The following IGSF11 variants were observed in gnomAD, a reference collection of about 807,000 sequenced individuals.
The protein encoded by IGSF11 is immunoglobulin superfamily member 11.
IGSF11 carries 22 observed loss-of-function variants against 41.0 expected under a neutral mutation model. That is an observed-to-expected ratio of 0.54 (90% CI 0.38 to 0.77). IGSF11 has a LOEUF of 0.77. IGSF11 is among the 30% of genes least tolerant of loss of function. The probability of loss-of-function intolerance (pLI) is 0.00; values close to 1 mark genes in which losing one functional copy is unlikely to be tolerated. For missense variants in IGSF11, 444 were observed against 530.8 expected, an observed-to-expected ratio of 0.84 and a Z score of 1.61; for synonymous variants, 219 against 201.3, an observed-to-expected ratio of 1.09 and a Z score of -0.74.
chr3:119,094,933 A>T (rs1199053560), intron 1 of IGSF11, among the ~76,000 whole-genome samples: 1 of 151,978 alleles, frequency 6.6e-6, no homozygotes, highest in East Asian at 1.9e-4. Context: ...CGGCCTCCCA[A>T]AGTGCTGGGA....
intron 1 of IGSF11, among the ~76,000 whole-genome samples, chr3:118,936,153 A>G (rs1487823619): frequency 6.6e-6 from 1 of 152,072 alleles, no homozygotes; most frequent in Non-Finnish European, 1.5e-5. Flanking sequence ...CTCTTAAAGG[A>G]TATTTCCATG....
intron 1 of IGSF11, among the ~76,000 whole-genome samples, chr3:119,042,649 T>C (rs1559829988): frequency 6.6e-6 from 1 of 152,166 alleles, no homozygotes; most frequent in Non-Finnish European, 1.5e-5. Context: ...CAGACCTGCC[T>C]AACAGTGCCC....
intron 5 of IGSF11, among the ~76,000 whole-genome samples, chr3:118,905,184 A>T (rs1433079744): frequency 6.6e-6 from 1 of 152,170 alleles, no homozygotes; most frequent in Non-Finnish European, 1.5e-5. Context: ...CTGGAATTCA[A>T]ATATCCCAGA....
At chr3:119,003,701 T>C (rs1359678785) in intron 1 of IGSF11, among the ~76,000 whole-genome samples, 1 of 151,960 alleles carries the variant, frequency 6.6e-6, no homozygotes, top group Non-Finnish European at 1.5e-5. Flanking sequence ...AAAGGCTTTT[T>C]CTGCATCTAT....
intron 4 of IGSF11, among the ~76,000 whole-genome samples, chr3:118,922,473 C>T (rs1941896543): frequency 6.6e-6 from 1 of 151,818 alleles, no homozygotes; most frequent in South Asian, 2.1e-4. Context: ...TTCTAGCATA[C>T]AATACAGTAA....
In IGSF11 at chr3:118,941,376, C is replaced by T. The variant is rs748945445; in HGVS notation, c.53-11101G>A. ...ACAAATGAGTAATAACATCCTGAAA[C>T]GATGCTCCACTTCATTAGTCAACAG... On this transcript the variant is annotated intron_variant, in intron 1 of 6. Coordinates refer to ENST00000393775, the MANE Select transcript of IGSF11 (RefSeq NM_001015887.3). Among the ~76,000 whole-genome samples, 30 of 152,158 alleles carry T rather than the reference C, an allele frequency of 2.0e-4. 1 individual carries two copies. Among genetic ancestry groups the T allele is most frequent in the Non-Finnish European group, 2.2e-4 (15 of 67,956 alleles).
chr3:119,060,285 G>T (rs1942011865), intron 1 of IGSF11, among the ~76,000 whole-genome samples: 1 of 152,262 alleles, frequency 6.6e-6, no homozygotes, highest in East Asian at 1.9e-4. Context: ...TTCAAAAGAG[G>T]TGAGGAGGGT....
At chr3:119,003,607 G>C (rs1937138704) in intron 1 of IGSF11, among the ~76,000 whole-genome samples, 3 of 151,390 alleles carry the variant, frequency 2.0e-5, no homozygotes, top group African/African-American at 7.4e-5. Flanking sequence ...GTTTGTTATA[G>C]ATAGCTCTTA....
intron 1 of IGSF11, among the ~76,000 whole-genome samples, chr3:118,943,915 A>G (rs894544323): frequency 6.6e-6 from 1 of 152,248 alleles, no homozygotes; most frequent in Non-Finnish European, 1.5e-5. Flanking sequence ...TCATATGACA[A>G]AAGTGGCTAA....
chr3:119,080,679 T>A (rs2076572214), intron 1 of IGSF11, among the ~76,000 whole-genome samples: 1 of 152,240 alleles, frequency 6.6e-6, no homozygotes, highest in African/African-American at 2.4e-5. Flanking sequence ...GAATAATTAA[T>A]GTGACTTTCC....
rs189490711 is a variant in IGSF11, at chr3:118,986,619, T to C, written c.52+47912A>G. Among the ~76,000 whole-genome samples the C allele has an allele frequency of 3.9e-5, 6 of 152,326 alleles. No homozygotes were observed. In the East Asian group the frequency reaches 5.8e-4, roughly 15 times the overall value. On this transcript the variant is annotated intron_variant, in intron 1 of 6. Coordinates refer to ENST00000393775, the MANE Select transcript of IGSF11 (RefSeq NM_001015887.3). ...TCACCATGTTATTTAATATGTAATA[T>C]AGCCATGCATGTTAAGCAGTGGCTA...
chr3:119,094,007 A>C (rs2076806538), intron 1 of IGSF11, among the ~76,000 whole-genome samples: 1 of 152,024 alleles, frequency 6.6e-6, no homozygotes, highest in South Asian at 2.1e-4. Context: ...ATCTTAAGAG[A>C]TTTTAAGAGA....
At chr3:118,957,656 C>G (rs775264639) in intron 1 of IGSF11, among the ~76,000 whole-genome samples, 1 of 152,208 alleles carries the variant, frequency 6.6e-6, no homozygotes, top group Non-Finnish European at 1.5e-5. Context: ...ATTTATTTCA[C>G]AAGCAACATA....
chr3:118,984,368 G>T (rs1469115471), intron 1 of IGSF11, among the ~76,000 whole-genome samples: 1 of 152,100 alleles, frequency 6.6e-6, no homozygotes, highest in East Asian at 1.9e-4. Flanking sequence ...TGCTGAAAAT[G>T]AAATGAACTA....
chr3:118,941,577 T>C (rs1388034847), intron 1 of IGSF11, among the ~76,000 whole-genome samples: 4 of 152,192 alleles, frequency 2.6e-5, no homozygotes, highest in African/African-American at 7.2e-5. Context: ...CAGAATTAAA[T>C]GTACACTTAA....
chr3:119,046,846 A>T (rs1308059726), intron 1 of IGSF11, among the ~76,000 whole-genome samples: 1 of 149,478 alleles, frequency 6.7e-6, no homozygotes, highest in African/African-American at 2.4e-5. Context: ...AATATTCAAC[A>T]TTCTTAAAGA....
At chr3:119,023,906 T>C (rs942272250) in intron 1 of IGSF11, among the ~76,000 whole-genome samples, 5 of 152,140 alleles carry the variant, frequency 3.3e-5, no homozygotes, top group African/African-American at 1.2e-4. Flanking sequence ...ACTGAAGGAG[T>C]AAGCAGATTT....
chr3:118,986,319 C>T (rs1935252561), intron 1 of IGSF11, among the ~76,000 whole-genome samples: 1 of 152,196 alleles, frequency 6.6e-6, no homozygotes, highest in African/African-American at 2.4e-5. Flanking sequence ...CTGTTTTCCT[C>T]ATTAGACTGT....
At chr3:119,034,461 C>T (rs1576704211) in intron 1 of IGSF11, 70 bp downstream of exon 1, 3 of 1,390,338 alleles carry the variant, frequency 2.2e-6, no homozygotes, top group East Asian at 5.9e-5. Context: ...TTGCCGTCCC[C>T]AAACAGCTTC....
Sources: gnomAD v4.1 joint callset for allele counts (sites outside exome capture counted in the v4.1 genomes callset) on GRCh38, gnomAD v4.1.1 for gene constraint, MANE v1.5 for transcripts, NCBI Gene and HGNC (gene_info 2026-07-23, HGNC 2026-07-21) for gene names.